ACOXL: variants seen among roughly 807,000 people sequenced by gnomAD.
The protein encoded by ACOXL is acyl-CoA oxidase like.
ACOXL carries 70 observed loss-of-function variants against 71.9 expected under a neutral mutation model. The ratio of observed to expected loss-of-function variants is 0.97; its 90% confidence interval spans 0.80 to 1.19. The LOEUF (loss-of-function observed/expected upper bound fraction) is 1.19. ACOXL is among the 50% of genes most tolerant of loss of function. ACOXL has a pLI of 0.00. For synonymous variants in ACOXL, 253 were observed against 281.6 expected (o/e 0.90, Z 1.02); for missense variants, 703 against 736.3 (o/e 0.95, Z 0.52).
At position 111,035,412 on chromosome 2, in the gene ACOXL, G is replaced by T. The variant is rs570635211; in HGVS notation, c.1369+3698G>T. Among the ~76,000 whole-genome samples, 3 of 152,332 alleles carry T rather than the reference G, an allele frequency of 2.0e-5. No homozygotes were observed. In the East Asian group the frequency reaches 5.8e-4, roughly 29 times the overall value. On this transcript the variant is annotated intron_variant, in intron 15 of 17. Transcript: ENST00000439055. Reference sequence around the variant, plus strand: ...TTTTTGTCTTGCCCTAGAAAGTGCAGCTCTGAAGCCTTGGTGCTGTCTGAA... The same window carrying T: ...TTTTTGTCTTGCCCTAGAAAGTGCATCTCTGAAGCCTTGGTGCTGTCTGAA...
At chr2:110,753,541 TTGTG>T (rs774252774) in intron 1 of ACOXL, among the ~76,000 whole-genome samples, 1 of 152,226 alleles carries the variant, frequency 6.6e-6, no homozygotes, top group Non-Finnish European at 1.5e-5. Context: ...ATGTCATTTA[TTGTG>T]TATCAGCAGT....
intron 12 of ACOXL, among the ~76,000 whole-genome samples, chr2:110,950,924 C>T (rs1189432957): frequency 6.6e-6 from 1 of 151,992 alleles, no homozygotes; most frequent in Non-Finnish European, 1.5e-5. Context: ...CTCTCTCTCT[C>T]TCATAGTCTG....
intron 1 of ACOXL, among the ~76,000 whole-genome samples, chr2:110,748,383 T>G (rs1192868413): frequency 1.3e-5 from 2 of 152,180 alleles, no homozygotes; most frequent in African/African-American, 4.8e-5. Flanking sequence ...CCTATCAGGC[T>G]TTATCTCTGG....
chr2:110,962,828 T>C (rs766350855), intron 12 of ACOXL, among the ~76,000 whole-genome samples: 8 of 152,210 alleles, frequency 5.3e-5, no homozygotes, highest in Non-Finnish European at 8.8e-5. Flanking sequence ...CTGACGTGAC[T>C]GACACAGGCA....
chr2:110,985,775 C>T (rs1213853680), intron 12 of ACOXL, among the ~76,000 whole-genome samples: 1 of 152,168 alleles, frequency 6.6e-6, no homozygotes, highest in African/African-American at 2.4e-5. Flanking sequence ...CTCTTAACTG[C>T]CTGCATGTAT....
chr2:111,116,035 G>A (rs191290256), intron 17 of ACOXL, among the ~76,000 whole-genome samples: 19 of 152,232 alleles, frequency 1.2e-4, no homozygotes, highest in African/African-American at 4.6e-4. Flanking sequence ...CCCCACCGGT[G>A]AATATATTAC....
At chr2:110,751,765 G>A (rs759647857) in intron 1 of ACOXL, among the ~76,000 whole-genome samples, 29 of 152,186 alleles carry the variant, frequency 1.9e-4, no homozygotes, top group Non-Finnish European at 4.0e-4. Context: ...AACCACGGTT[G>A]TGTGTGTTTT....
chr2:111,021,876 A>AT (rs1315268660), intron 14 of ACOXL, among the ~76,000 whole-genome samples: 15 of 152,152 alleles, frequency 9.9e-5, no homozygotes, highest in Admixed American at 7.9e-4. Flanking sequence ...AAGAAAAAAA[A>AT]GAAAAAACTT....
chr2:110,844,537 T>C lies in ACOXL; in HGVS notation c.788+3132T>C, dbSNP rs186563107. On this transcript the variant is annotated intron_variant, in intron 10 of 17. Transcript: ENST00000439055. The stretch of plus-strand genomic sequence containing the variant: ...GGTCACCCTTTGACTCTTCTTTTTT[T>C]TTCTTTTCTTTTCTTTTTTTTTTTT... Among the ~76,000 whole-genome samples, 30 of 147,570 alleles carry C rather than the reference T, an allele frequency of 2.0e-4. No individual in the cohort carries two copies. The East Asian group carries it at 6.1e-3, about 30-fold the overall frequency.
chr2:111,070,948 G>A (rs1248813523), intron 16 of ACOXL, among the ~76,000 whole-genome samples: 3 of 152,100 alleles, frequency 2.0e-5, no homozygotes, highest in Non-Finnish European at 4.4e-5. Flanking sequence ...CTCAGGAAGA[G>A]AAATAGTCAC....
chr2:111,013,254 G>C (rs1341435591), intron 14 of ACOXL, among the ~76,000 whole-genome samples: 1 of 152,162 alleles, frequency 6.6e-6, no homozygotes, highest in Non-Finnish European at 1.5e-5. Flanking sequence ...GCCAGGTGCG[G>C]TGGCTCATGC....
At chr2:110,768,513 T>TGTGTGTGTGTGAGAGA (rs397975396) in intron 2 of ACOXL, 49 bp downstream of exon 2, 128 of 929,750 alleles carry the variant, frequency 1.4e-4, no homozygotes, top group East Asian at 5.8e-4. Flanking sequence ...TGTGTGTGTG[T>TGTGTGTGTGTGAGAGA]GAGAGAGAGA....
chr2:110,837,411 G>C (rs1266537725), intron 9 of ACOXL, among the ~76,000 whole-genome samples: 1 of 152,136 alleles, frequency 6.6e-6, no homozygotes, highest in Non-Finnish European at 1.5e-5. Context: ...TTCTAAGATA[G>C]TGTAAACCAT....
At chr2:110,758,091 G>A (rs1418275993) in intron 1 of ACOXL, among the ~76,000 whole-genome samples, 1 of 152,160 alleles carries the variant, frequency 6.6e-6, no homozygotes, top group African/African-American at 2.4e-5. Flanking sequence ...AAGGGGTCTA[G>A]TTTTAATTTT....
At chr2:111,116,398 T>C (rs1163248454) in intron 17 of ACOXL, among the ~76,000 whole-genome samples, 1 of 152,194 alleles carries the variant, frequency 6.6e-6, no homozygotes, top group Non-Finnish European at 1.5e-5. Context: ...TGTTGGACTA[T>C]TACAATTCAT....
rs139608353 is a variant in ACOXL, at chr2:110,853,639, C to T, written c.788+12234C>T. On this transcript the variant is annotated intron_variant, in intron 10 of 17. Coordinates refer to ENST00000439055, the MANE Select transcript of ACOXL (RefSeq NM_001142807.4). ...AGTAGTCCCTCCAAAACGGAAGATC[C>T]CCCAGAATCCACTTTTACGGTTGTC... Among the ~76,000 whole-genome samples, 8 of 152,240 alleles carry T rather than the reference C, an allele frequency of 5.3e-5. No individual in the cohort carries two copies. In the East Asian group the frequency reaches 1.5e-3, roughly 29 times the overall value.
At chr2:110,929,373 T>C (rs2060398118) in intron 11 of ACOXL, among the ~76,000 whole-genome samples, 1 of 152,130 alleles carries the variant, frequency 6.6e-6, no homozygotes. Context: ...TTGAGGGAGA[T>C]GATTTAGGGT....
At chr2:110,968,245 C>A in intron 12 of ACOXL, 1 of 1,092,982 alleles carries the variant, frequency 9.1e-7, no homozygotes, top group South Asian at 1.2e-5. Context: ...CATTGATGGT[C>A]AGCCAAGTGC....
chr2:110,961,196 C>T (rs2061688693), intron 12 of ACOXL, among the ~76,000 whole-genome samples: 1 of 152,158 alleles, frequency 6.6e-6, no homozygotes, highest in African/African-American at 2.4e-5. Context: ...GGCTGTGAGC[C>T]CTGTTACCTC....
Sources: gnomAD v4.1 joint callset for allele counts (sites outside exome capture counted in the v4.1 genomes callset) on GRCh38, gnomAD v4.1.1 for gene constraint, MANE v1.5 for transcripts, NCBI Gene and HGNC (gene_info 2026-07-23, HGNC 2026-07-21) for gene names.